TRPC4: variants seen among roughly 807,000 people sequenced by gnomAD.
TRPC4 encodes the protein transient receptor potential cation channel subfamily C member 4.
In TRPC4, 49 loss-of-function variants were observed where a neutral mutation model predicts 99.4. That is an observed-to-expected ratio of 0.49 (90% confidence interval 0.39 to 0.63). The LOEUF is 0.63. Among genes scored for constraint, TRPC4 ranks in the 20% least tolerant of loss-of-function variants. TRPC4 has a pLI of 0.00. For synonymous variants in TRPC4, 454 were observed against 425.9 expected (o/e 1.07, Z -0.81); for missense variants, 898 against 1,152.9 (o/e 0.78, Z 3.20).
At chr13:37,798,433 A>T (rs1957311119) in intron 1 of TRPC4, among the ~76,000 whole-genome samples, 1 of 152,172 alleles carries the variant, frequency 6.6e-6, no homozygotes, top group Non-Finnish European at 1.5e-5. Flanking sequence ...ACAATTACTG[A>T]TTCATCAAAA....
intron 7 of TRPC4, among the ~76,000 whole-genome samples, chr13:37,654,151 C>T (rs1396515403): frequency 1.3e-5 from 2 of 151,844 alleles, no homozygotes; most frequent in East Asian, 1.9e-4. Flanking sequence ...AATTGCCTCC[C>T]TAAGGATGGT....
At chr13:37,648,338 C>A (rs1018355030) in intron 8 of TRPC4, among the ~76,000 whole-genome samples, 1 of 152,092 alleles carries the variant, frequency 6.6e-6, no homozygotes, top group African/African-American at 2.4e-5. Flanking sequence ...TAAGAGTAGG[C>A]ATCTGAAAAC....
intron 1 of TRPC4, among the ~76,000 whole-genome samples, chr13:37,791,421 A>G (rs914169614): frequency 4.1e-4 from 61 of 149,424 alleles, no homozygotes; most frequent in African/African-American, 1.4e-3. Context: ...AAAAAAAAGG[A>G]TAAACGAAAA....
intron 2 of TRPC4, among the ~76,000 whole-genome samples, chr13:37,752,595 C>T (rs556581525): frequency 2.4e-4 from 36 of 151,852 alleles, no homozygotes; most frequent in Admixed American, 5.3e-4. Flanking sequence ...TGCCCCCCTC[C>T]CCCTCCCACA....
rs953517468 is a variant in TRPC4, at chr13:37,633,502, G to A, written c.*3401C>T. Among the ~76,000 whole-genome samples the A allele has an allele frequency of 6.6e-6, 1 of 152,074 alleles. No individual in the cohort carries two copies. The highest frequency in any genetic ancestry group is 1.5e-5 in the Non-Finnish European group (1 of 68,002). ...CTCAGCTAAATCCCAGAGTTATTAA[G>A]GATTATTGAATGTTAGAAGAATATA... is the stretch of plus-strand genomic sequence containing the variant. On this transcript the variant is annotated 3_prime_UTR_variant, in exon 11 of 11. Coordinates refer to ENST00000379705, the MANE Select transcript of TRPC4 (RefSeq NM_016179.4).
At chr13:37,832,188 A>T (rs1958440691) in intron 1 of TRPC4, among the ~76,000 whole-genome samples, 1 of 152,178 alleles carries the variant, frequency 6.6e-6, no homozygotes, top group Non-Finnish European at 1.5e-5. Flanking sequence ...CAGTAAAATA[A>T]TTTTTTAAAT....
intron 3 of TRPC4, among the ~76,000 whole-genome samples, chr13:37,692,669 C>T (rs1953756453): frequency 6.6e-6 from 1 of 152,104 alleles, no homozygotes; most frequent in South Asian, 2.1e-4. Context: ...AAGATACACA[C>T]CTATATACAC....
At chr13:37,637,752 G>T in intron 10 of TRPC4, 127 bp from the exon 11 acceptor site, 1 of 917,678 alleles carries the variant, frequency 1.1e-6, no homozygotes, top group Non-Finnish European at 1.6e-6. Flanking sequence ...ACTCTACTGT[G>T]GTTCTATTTA....
chr13:37,761,711 G>A (rs1414078271), intron 2 of TRPC4, among the ~76,000 whole-genome samples: 1 of 151,828 alleles, frequency 6.6e-6, no homozygotes, highest in Non-Finnish European at 1.5e-5. Flanking sequence ...TTATGTGACA[G>A]TACTAGGATT....
intron 6 of TRPC4, among the ~76,000 whole-genome samples, chr13:37,662,516 T>G (rs1481813128): frequency 6.6e-6 from 1 of 152,204 alleles, no homozygotes; most frequent in African/African-American, 2.4e-5. Flanking sequence ...AGTGATTTTG[T>G]TCATGTGATA....
At chr13:37,716,232 A>G (rs1954661003) in intron 3 of TRPC4, among the ~76,000 whole-genome samples, 1 of 152,184 alleles carries the variant, frequency 6.6e-6, no homozygotes, top group African/African-American at 2.4e-5. Flanking sequence ...TGCTTTGGCA[A>G]TCACCTTACC....
chr13:37,797,019 T>C (rs1367355376), intron 1 of TRPC4, among the ~76,000 whole-genome samples: 3 of 149,710 alleles, frequency 2.0e-5, no homozygotes, highest in South Asian at 4.3e-4. Flanking sequence ...TAAAATAAAA[T>C]ACAAGTAAGA....
chr13:37,638,388 C>T (rs1353167805), intron 10 of TRPC4, among the ~76,000 whole-genome samples: 1 of 152,128 alleles, frequency 6.6e-6, no homozygotes, highest in Non-Finnish European at 1.5e-5. Context: ...TAATTCACTA[C>T]TTCATTCTCA....
At chr13:37,730,584 T>TACACAGATACACAC (rs1955211321) in intron 3 of TRPC4, among the ~76,000 whole-genome samples, 1 of 151,786 alleles carries the variant, frequency 6.6e-6, no homozygotes, top group Non-Finnish European at 1.5e-5. Flanking sequence ...AAGCTCTTTG[T>TACACAGATACACAC]ACACACATAC....
rs1325512433 is a variant in TRPC4, at chr13:37,632,564, C to A, written c.*4339G>T. Among the ~76,000 whole-genome samples the A allele has an allele frequency of 6.6e-6, 1 of 152,178 alleles. No individual in the cohort carries two copies. The highest frequency in any genetic ancestry group is 1.5e-5 in the Non-Finnish European group (1 of 68,034). ...TTTTGCTACTGGTGAATTTGACTTG[C>A]AGAGACGTCTTCACTGTCAGCCTAG... On this transcript the variant is annotated 3_prime_UTR_variant, in exon 11 of 11. Transcript: ENST00000379705.
intron 2 of TRPC4, among the ~76,000 whole-genome samples, chr13:37,766,942 G>T (rs55875351): frequency 6.6e-6 from 1 of 151,204 alleles, no homozygotes; most frequent in South Asian, 2.1e-4. Context: ...ACAGAAAATG[G>T]TTGTGATTGT....
chr13:37,700,753 A>T (rs1436622956), intron 3 of TRPC4, among the ~76,000 whole-genome samples: 3 of 152,168 alleles, frequency 2.0e-5, no homozygotes, highest in African/African-American at 7.2e-5. Flanking sequence ...ATTTATACAT[A>T]TAAATAATAT....
chr13:37,646,613 T>C (rs1378937481), intron 8 of TRPC4, among the ~76,000 whole-genome samples: 1 of 152,166 alleles, frequency 6.6e-6, no homozygotes, highest in East Asian at 1.9e-4. Flanking sequence ...TTCAAAAAAA[T>C]TGTGGTAGAT....
chr13:37,735,310 G>A (rs1955362967), intron 3 of TRPC4, among the ~76,000 whole-genome samples: 1 of 152,006 alleles, frequency 6.6e-6, no homozygotes, highest in African/African-American at 2.4e-5. Flanking sequence ...TAACGTTTCA[G>A]TTTCATAAAC....
Sources: gnomAD v4.1 joint callset for allele counts (sites outside exome capture counted in the v4.1 genomes callset) on GRCh38, gnomAD v4.1.1 for gene constraint, MANE v1.5 for transcripts, NCBI Gene and HGNC (gene_info 2026-07-23, HGNC 2026-07-21) for gene names.